Variants in PREX1 observed in about 807,000 individuals in gnomAD.
The protein encoded by PREX1 is phosphatidylinositol-3,4,5-trisphosphate dependent Rac exchange factor 1.
Under a neutral mutation model 198.3 loss-of-function variants are expected in PREX1, and 41 were observed. That is an observed-to-expected ratio of 0.21 (90% CI 0.16 to 0.27). PREX1 has a LOEUF of 0.27. PREX1 is among the 10% of genes least tolerant of loss of function. The probability of loss-of-function intolerance (pLI) is 1.00; values close to 1 mark genes in which losing one functional copy is unlikely to be tolerated. For missense variants in PREX1, 1,620 were observed against 2,200.7 expected (o/e 0.74, Z 5.28); for synonymous variants, 843 against 887.2 (o/e 0.95, Z 0.89).
At chr20:48,650,532 C>T (rs1228273839) in intron 23 of PREX1, among the ~76,000 whole-genome samples, 2 of 152,256 alleles carry the variant, frequency 1.3e-5, no homozygotes, top group African/African-American at 2.4e-5. Flanking sequence ...ATCCCTATGG[C>T]GATTGGAACC....
the PREX1 span, among the ~76,000 whole-genome samples, chr20:48,852,872 G>C: frequency 6.6e-6 from 1 of 152,230 alleles, no homozygotes; most frequent in Non-Finnish European, 1.5e-5. Flanking sequence ...TTAGGTACTG[G>C]TATGGAATGA....
At chr20:48,644,779 G>T (rs1421426136) in intron 26 of PREX1, among the ~76,000 whole-genome samples, 1 of 152,212 alleles carries the variant, frequency 6.6e-6, no homozygotes, top group East Asian at 1.9e-4. Context: ...GTGTCACTCT[G>T]TCCAGTGTCC....
chr20:48,633,168 G>A (rs2089329474), intron 33 of PREX1, among the ~76,000 whole-genome samples: 1 of 152,160 alleles, frequency 6.6e-6, no homozygotes, highest in Non-Finnish European at 1.5e-5. Flanking sequence ...AGCTCTGCCC[G>A]AGCCAATCTC....
At chr20:48,714,254 A>G (rs2089951401) in intron 5 of PREX1, among the ~76,000 whole-genome samples, 1 of 152,248 alleles carries the variant, frequency 6.6e-6, no homozygotes, top group African/African-American at 2.4e-5. Context: ...ACAATTTAAA[A>G]CTTCTGTGCT....
intron 1 of PREX1, among the ~76,000 whole-genome samples, chr20:48,764,459 T>C (rs1161717509): frequency 6.6e-6 from 1 of 151,886 alleles, no homozygotes; most frequent in Non-Finnish European, 1.5e-5. Flanking sequence ...AGCATTGAGG[T>C]GGGCCCAACA....
chr20:48,745,609 G>A (rs2090103982), intron 2 of PREX1, among the ~76,000 whole-genome samples: 1 of 152,214 alleles, frequency 6.6e-6, no homozygotes, highest in South Asian at 2.1e-4. Flanking sequence ...TCATTAAAAT[G>A]ACGTGGTAGA....
At chr20:48,730,417 A>G (rs1168618431) in intron 4 of PREX1, among the ~76,000 whole-genome samples, 2 of 122,706 alleles carry the variant, frequency 1.6e-5, no homozygotes, top group African/African-American at 6.2e-5. Context: ...AAGCCACCAC[A>G]CACACACACA....
At chr20:48,732,253 C>T (rs1389695773) in intron 4 of PREX1, among the ~76,000 whole-genome samples, 1 of 152,218 alleles carries the variant, frequency 6.6e-6, no homozygotes, top group African/African-American at 2.4e-5. Context: ...CCAATTTGCC[C>T]TTCCTCAGAT....
intron 1 of PREX1, among the ~76,000 whole-genome samples, chr20:48,780,821 T>A (rs2122921976): frequency 6.6e-6 from 1 of 152,174 alleles, no homozygotes; most frequent in Non-Finnish European, 1.5e-5. Flanking sequence ...TCTCAAAGAA[T>A]CTCCCCCAAA....
chr20:48,824,970 C>T (rs138237227), intron 1 of PREX1, among the ~76,000 whole-genome samples: 15 of 152,212 alleles, frequency 9.9e-5, no homozygotes, highest in African/African-American at 2.9e-4. Context: ...GAGGGATTAC[C>T]GTGCATTCTT....
intron 11 of PREX1, among the ~76,000 whole-genome samples, chr20:48,680,066 C>T (rs2089739314): frequency 1.3e-5 from 2 of 152,208 alleles, no homozygotes; most frequent in Non-Finnish European, 2.9e-5. Flanking sequence ...ATCCAGCCTG[C>T]ACTGGGACCC....
intron 10 of PREX1, among the ~76,000 whole-genome samples, chr20:48,686,845 C>G (rs967113960): frequency 2.0e-5 from 3 of 152,210 alleles, no homozygotes; most frequent in African/African-American, 4.8e-5. Flanking sequence ...AAGCCTCAGG[C>G]CATGAGTGCC....
At chr20:48,737,559 A>G (rs1461513244) in intron 3 of PREX1, among the ~76,000 whole-genome samples, 2 of 152,286 alleles carry the variant, frequency 1.3e-5, no homozygotes, top group South Asian at 2.1e-4. Flanking sequence ...GGGCCCTCAG[A>G]CCAGCTCTGT....
In PREX1 at chr20:48,639,859, G is replaced by A. The variant is rs202017822; in HGVS notation, c.3811C>T (p.Arg1271Trp). The A allele has an allele frequency of 2.7e-5, 43 of 1,614,028 alleles. No individual in the cohort carries two copies. Among genetic ancestry groups the A allele is most frequent in the African/African-American group, 5.3e-5 (4 of 75,014 alleles). ...TGGATGCTAATCTGGATCAGGCTCC[G>A]GCCACGGATTGTACACTCTTCTTTC... The part of the protein sequence containing the change: ...KQKEECTIRG[R>W]SLIQISIQED... Residue 1271 changes from arginine to tryptophan, a missense_variant, in exon 30 of 40, where the codon CGG becomes TGG. Physicochemically the swap from Arg to Trp is moderately radical, Grantham distance 101. This residue lies in a region of PREX1 where 476 missense variants were observed against 603.4 expected (regional missense o/e 0.79). Coordinates refer to ENST00000371941, the MANE Select transcript of PREX1 (RefSeq NM_020820.4).
At chr20:48,673,305 C>T (rs1311051229) in intron 14 of PREX1, among the ~76,000 whole-genome samples, 1 of 152,218 alleles carries the variant, frequency 6.6e-6, no homozygotes, top group East Asian at 1.9e-4. Context: ...CTAATGCACC[C>T]AAATCTCAGG....
In PREX1 at chr20:48,698,017, C is replaced by T. The variant is rs1382087306; in HGVS notation, c.917+2736G>A. ...CCACATCAGACTCAGGTGGGGAGAT[C>T]CACCCACCATTGCCCAATCTCCTGG... On this transcript the variant is annotated intron_variant, in intron 7 of 39. Transcript: ENST00000371941. 2.6e-5 allele frequency among the ~76,000 whole-genome samples: 4 copies of T among 152,318 alleles called. No individual in the cohort carries two copies. In the East Asian group the frequency reaches 7.7e-4, roughly 29 times the overall value.
At chr20:48,722,735 C>A (rs1461847584) in intron 5 of PREX1, among the ~76,000 whole-genome samples, 1 of 152,330 alleles carries the variant, frequency 6.6e-6, no homozygotes, top group South Asian at 2.1e-4. Context: ...AAGGTGGCAA[C>A]TGCCCCCTGA....
chr20:48,792,965 A>C (rs529757795), intron 1 of PREX1, among the ~76,000 whole-genome samples: 1 of 151,948 alleles, frequency 6.6e-6, no homozygotes, highest in Non-Finnish European at 1.5e-5. Context: ...CAGCACTTTG[A>C]GAGGCAAGTT....
intron 5 of PREX1, among the ~76,000 whole-genome samples, chr20:48,713,439 G>A (rs1369699949): frequency 2.0e-5 from 3 of 151,946 alleles, no homozygotes; most frequent in East Asian, 1.9e-4. Context: ...GCAACAGAGT[G>A]AGACTCCATC....
Sources: gnomAD v4.1 joint callset for allele counts (sites outside exome capture counted in the v4.1 genomes callset) on GRCh38, gnomAD v4.1.1 for gene constraint, gnomAD v4.1.1 regional missense constraint, MANE v1.5 for transcripts, NCBI Gene and HGNC (gene_info 2026-07-23, HGNC 2026-07-21) for gene names.